Variants in CDH23 observed in about 807,000 individuals in gnomAD.
CDH23 encodes cadherin related 23.
CDH23 carries 189 observed loss-of-function variants against 317.1 expected under a neutral mutation model. The ratio of observed to expected loss-of-function variants is 0.60; its 90% CI spans 0.53 to 0.67. The LOEUF is 0.67. CDH23 is among the 30% of genes least tolerant of loss of function. The pLI is 0.00. For missense variants in CDH23, 4,401 were observed against 4,592.4 expected (o/e 0.96, Z 1.20); for synonymous variants, 1,839 against 1,876.8 (o/e 0.98, Z 0.52).
chr10:71,695,552 G>A (rs769953930), intron 22 of CDH23, 27 bp downstream of exon 22: 221 of 1,499,842 alleles, frequency 1.5e-4, no homozygotes, highest in Middle Eastern at 5.1e-4. Context: ...CAGCAGAACT[G>A]CCAGGCGGCC....
chr10:71,595,016 A>T (rs1859746144), intron 9 of CDH23, among the ~76,000 whole-genome samples: 1 of 152,234 alleles, frequency 6.6e-6, no homozygotes, highest in East Asian at 1.9e-4. Flanking sequence ...AGGGCTTGGG[A>T]TCACATAGGT....
Position 71,751,119 on chromosome 10 carries a change from G to A in CDH23, c.4845+9198G>A. 2.8e-6 allele frequency: 3 copies of A among 1,065,076 alleles called. No individual in the cohort carries two copies. Among genetic ancestry groups the A allele is most frequent in the Non-Finnish European group, 4.0e-6 (3 of 744,184 alleles). The allele number at this position is 1,065,076 out of a possible 1,614,324, so 66.0% of individuals were successfully genotyped here. On this transcript the variant is annotated intron_variant, in intron 38 of 69. Transcript: ENST00000224721. This position sits in a 1 kb window ranked among gnomAD's most constrained non-coding sequence, Gnocchi z 4.9. ...GGTTGAGGGGCTGGGCTTCTGGGAT[G>A]TCACAGTATCTGAGCCCAGAGCAGG...
At chr10:71,736,386 C>T (rs1839566278) in intron 34 of CDH23, among the ~76,000 whole-genome samples, 1 of 152,224 alleles carries the variant, frequency 6.6e-6, no homozygotes, top group African/African-American at 2.4e-5. Context: ...CCACAGCTCA[C>T]CTCCACCTGG....
intron 38 of CDH23, chr10:71,749,122 C>A (rs57734913): frequency 0.097 from 14,715 of 152,174 alleles, 730 homozygotes; most frequent in South Asian, 0.14. Context: ...TCAAGGTCAG[C>A]AGCTGAGGGC....
At chr10:71,520,876 G>C (rs1427139907) in intron 6 of CDH23, among the ~76,000 whole-genome samples, 1 of 152,208 alleles carries the variant, frequency 6.6e-6, no homozygotes, top group Non-Finnish European at 1.5e-5. Flanking sequence ...CAATAGGCTT[G>C]TTTTGATGTG....
In CDH23 at chr10:71,738,587, T is replaced by C. The variant is rs12218559; in HGVS notation, c.4299T>C (p.Pro1433=). ...DSAVSIPEDC[P]VGQRVATVKA... is the part of the protein sequence containing the mutation. The stretch of plus-strand genomic sequence containing the variant: ...CGGTCAGCATACCCGAGGACTGCCC[T>C]GTGGGCCAGCGAGTGGCTACTGTCA... Residue 1433 remains proline, a synonymous_variant, in exon 35 of 70, where the codon CCT becomes CCC. Coordinates refer to ENST00000224721, the MANE Select transcript of CDH23 (RefSeq NM_022124.6). 3 of 1,613,860 alleles carry C rather than the reference T, an allele frequency of 1.9e-6. No homozygotes were observed. Among genetic ancestry groups the C allele is most frequent in the Non-Finnish European group, 2.5e-6 (3 of 1,179,888 alleles).
chr10:71,665,186 T>A (rs529809807), intron 14 of CDH23, among the ~76,000 whole-genome samples: 1 of 152,138 alleles, frequency 6.6e-6, no homozygotes, highest in Non-Finnish European at 1.5e-5. Context: ...CAGTCAACAT[T>A]CACCCAGGTG....
rs528110026 is a variant in CDH23 at position 71,785,034 on chromosome 10, C to T, written c.5646C>T (p.Cys1882=). 1.2e-6 allele frequency: 2 copies of T among 1,613,864 alleles called. No individual in the cohort carries two copies. The highest frequency in any genetic ancestry group is 2.2e-5 in the South Asian group (2 of 91,092). The change falls in exon 43 of 70, where the codon TGC becomes TGT. Residue 1882 remains cysteine (C), a synonymous_variant. Transcript: ENST00000224721. ...HVLASDADSG[C]NARLTFNITA... ...TGGCCAGTGACGCTGACAGTGGCTGCAATGCACGCCTCACCTTCAACATCA... is the reference window on the plus strand; with the variant it reads ...TGGCCAGTGACGCTGACAGTGGCTGTAATGCACGCCTCACCTTCAACATCA...
chr10:71,592,125 T>C (rs1312627024), intron 9 of CDH23, among the ~76,000 whole-genome samples: 3 of 151,254 alleles, frequency 2.0e-5, no homozygotes, highest in Non-Finnish European at 4.4e-5. Flanking sequence ...AGCTAAGGAG[T>C]GTGGATTGTT....
intron 38 of CDH23, chr10:71,760,780 G>A (rs1239660502): frequency 2.3e-6 from 3 of 1,283,050 alleles, no homozygotes; most frequent in Non-Finnish European, 3.4e-6. Context: ...TTGGGGTGAT[G>A]AGGCCAGAGT....
chr10:71,773,486 G>T (rs1417676631), intron 38 of CDH23: 2 of 1,544,556 alleles, frequency 1.3e-6, no homozygotes, highest in East Asian at 2.4e-5. Flanking sequence ...GGGAGCGGGC[G>T]GGACGCGGCC....
intron 4 of CDH23, 122 bp downstream of exon 4, chr10:71,510,346 C>A: frequency 1.8e-6 from 2 of 1,093,684 alleles, no homozygotes; most frequent in Non-Finnish European, 2.6e-6. Context: ...TCCACAGTGG[C>A]ATCTTCCTGC....
chr10:71,571,006 G>T lies in CDH23; in HGVS notation c.753+88G>T, dbSNP rs536203499. On this transcript the variant is annotated intron_variant, in intron 8 of 69. Transcript: ENST00000224721. Reference sequence around the variant, plus strand: ...TGTTAGGGATGGGCCCTGTTAGTGGGCTGGGCTCCTCCTTGGCTCCTCCGC... The same window carrying T: ...TGTTAGGGATGGGCCCTGTTAGTGGTCTGGGCTCCTCCTTGGCTCCTCCGC... 17 of 1,479,462 alleles carry T rather than the reference G, an allele frequency of 1.1e-5. No individual in the cohort carries two copies. The African/African-American group carries it at 1.4e-4, about 12-fold the overall frequency. 91.6% of individuals were successfully genotyped at this position (1,479,462 alleles called of 1,614,324 possible).
At chr10:71,403,470 C>CT (rs1476778711) in intron 1 of CDH23, among the ~76,000 whole-genome samples, 1 of 99,066 alleles carries the variant, frequency 1.0e-5, no homozygotes, top group African/African-American at 5.0e-5. Context: ...TCCTTCCTTC[C>CT]TTCCTTCCTT....
chr10:71,665,832 T>C (rs1863870143), intron 14 of CDH23, among the ~76,000 whole-genome samples: 1 of 152,216 alleles, frequency 6.6e-6, no homozygotes, highest in Non-Finnish European at 1.5e-5. Flanking sequence ...AGGCTTTTTG[T>C]GCCTGGTCTT....
intron 3 of CDH23, among the ~76,000 whole-genome samples, chr10:71,479,936 G>A (rs1255867711): frequency 6.6e-6 from 1 of 152,212 alleles, no homozygotes; most frequent in Non-Finnish European, 1.5e-5. Context: ...ACACAGTCAA[G>A]GCTCACACAA....
intron 1 of CDH23, among the ~76,000 whole-genome samples, chr10:71,411,459 T>C (rs987954449): frequency 2.6e-5 from 4 of 152,172 alleles, no homozygotes; most frequent in African/African-American, 9.6e-5. Flanking sequence ...GATTTTTTCA[T>C]TGATTACACA....
rs1487599802 is a variant in CDH23, at chr10:71,759,818, T to TACACACAC, written c.4846-17861_4846-17860insCACACACA. Among the ~76,000 whole-genome samples the TACACACAC allele has an allele frequency of 5.7e-3, 289 of 50,806 alleles. 35 individuals carry two copies. The highest frequency in any genetic ancestry group is 9.4e-3 in the African/African-American group (125 of 13,318). 33.3% of individuals were successfully genotyped at this position (50,806 alleles called of 152,430 possible). A position where few individuals can be genotyped will look rare whatever the true frequency, so the allele number is the denominator to read the frequency against. ...CAGAGTGAAACCGTGTTTCAGAAAATATACACACACACACACACACACACA... is the reference window on the plus strand; with the variant it reads ...CAGAGTGAAACCGTGTTTCAGAAAATACACACACATACACACACACACACACACACACA... On this transcript the variant is annotated intron_variant, in intron 38 of 69. Transcript: ENST00000224721.
At chr10:71,688,064 G>A (rs186402038) in intron 19 of CDH23, among the ~76,000 whole-genome samples, 4 of 152,348 alleles carry the variant, frequency 2.6e-5, no homozygotes, top group Non-Finnish European at 5.9e-5. Context: ...TGAGACTATA[G>A]CACTGTGAGG....
Sources: gnomAD v4.1 joint callset for allele counts (sites outside exome capture counted in the v4.1 genomes callset) on GRCh38, gnomAD v4.1.1 for gene constraint, Gnocchi (gnomAD v3.1) non-coding constraint, MANE v1.5 for transcripts, NCBI Gene and HGNC (gene_info 2026-07-23, HGNC 2026-07-21) for gene names.